The following KCNH8 variants were observed in gnomAD, a reference collection of about 807,000 sequenced individuals.
KCNH8 encodes the protein voltage-gated delayed rectifier potassium channel KCNH8.
KCNH8 carries 70 observed loss-of-function variants against 103.6 expected under a neutral mutation model. The observed-to-expected ratio is 0.68, with a 90% CI of 0.56 to 0.82. The LOEUF is 0.82. Ranked by LOEUF, KCNH8 falls within the 40% of genes least tolerant of loss-of-function variation. The probability of loss-of-function intolerance (pLI) is 0.00; values close to 1 mark genes in which losing one functional copy is unlikely to be tolerated. For missense variants in KCNH8, 1,217 were observed against 1,329.9 expected, an observed-to-expected ratio of 0.92 and a Z score of 1.32; for synonymous variants, 498 against 489.4, an observed-to-expected ratio of 1.02 and a Z score of -0.23.
At chr3:19,287,138 T>C (rs920433561) in intron 3 of KCNH8, among the ~76,000 whole-genome samples, 6 of 151,912 alleles carry the variant, frequency 3.9e-5, no homozygotes, top group Admixed American at 3.9e-4. Context: ...TGAGATTCTT[T>C]AGGAATACTA....
intron 7 of KCNH8, among the ~76,000 whole-genome samples, chr3:19,429,434 A>G: frequency 6.6e-6 from 1 of 152,108 alleles, no homozygotes; most frequent in Non-Finnish European, 1.5e-5. Context: ...TCGGCCTCCC[A>G]AAGTGCTGGG....
intron 1 of KCNH8, among the ~76,000 whole-genome samples, chr3:19,224,080 G>A (rs977192122): frequency 4.6e-5 from 7 of 152,076 alleles, no homozygotes; most frequent in African/African-American, 1.7e-4. Context: ...TTAAAAGACA[G>A]AGCCAAGATT....
chr3:19,313,518 C>T (rs2065232952), intron 3 of KCNH8, among the ~76,000 whole-genome samples: 1 of 151,856 alleles, frequency 6.6e-6, no homozygotes, highest in African/African-American at 2.4e-5. Flanking sequence ...CAGAACCATA[C>T]TTACAGATTG....
chr3:19,274,214 C>G, intron 2 of KCNH8, among the ~76,000 whole-genome samples: 1 of 152,154 alleles, frequency 6.6e-6, no homozygotes, highest in East Asian at 1.9e-4. Context: ...CTACACATCT[C>G]AATCTCCATA....
chr3:19,370,179 G>C (rs2066068358), intron 5 of KCNH8, among the ~76,000 whole-genome samples: 1 of 151,976 alleles, frequency 6.6e-6, no homozygotes, highest in Admixed American at 6.6e-5. Flanking sequence ...CCAAGTCTGT[G>C]TTAGCTGTTT....
At chr3:19,437,007 G>A (rs895103384) in intron 7 of KCNH8, among the ~76,000 whole-genome samples, 7 of 152,108 alleles carry the variant, frequency 4.6e-5, no homozygotes, top group Non-Finnish European at 1.0e-4. Flanking sequence ...TGGTCTCAAG[G>A]AATTCCCAGC....
chr3:19,232,437 T>C (rs1181916547), intron 1 of KCNH8, among the ~76,000 whole-genome samples: 1 of 152,260 alleles, frequency 6.6e-6, no homozygotes, highest in Non-Finnish European at 1.5e-5. Context: ...TTTGCACGTG[T>C]TATGAAACTT....
intron 3 of KCNH8, among the ~76,000 whole-genome samples, chr3:19,303,304 G>C (rs1407835751): frequency 6.6e-6 from 1 of 152,060 alleles, no homozygotes; most frequent in Non-Finnish European, 1.5e-5. Flanking sequence ...TTTTTAAAAA[G>C]ACATAAACCC....
chr3:19,166,634 G>A (rs981496536), intron 1 of KCNH8, among the ~76,000 whole-genome samples: 12 of 152,152 alleles, frequency 7.9e-5, no homozygotes, highest in African/African-American at 2.9e-4. Context: ...CTAGTTAAAG[G>A]AGGCAAATTT....
intron 1 of KCNH8, among the ~76,000 whole-genome samples, chr3:19,235,116 G>C (rs145076303): frequency 7.2e-5 from 11 of 152,298 alleles, no homozygotes; most frequent in African/African-American, 1.7e-4. Context: ...CTTAACTCTT[G>C]TTTGTATCAA....
At chr3:19,175,980 A>C (rs140475547) in intron 1 of KCNH8, among the ~76,000 whole-genome samples, 53 of 152,280 alleles carry the variant, frequency 3.5e-4, no homozygotes, top group Middle Eastern at 3.4e-3. Flanking sequence ...GGAGTTTAGG[A>C]TCAATTTAGC....
At chr3:19,300,258 AAAAG>A (rs200574506) in intron 3 of KCNH8, among the ~76,000 whole-genome samples, 30,380 of 150,838 alleles carry the variant, frequency 0.2, 3,362 homozygotes, top group Non-Finnish European at 0.27. Flanking sequence ...ATAAAAAAAA[AAAAG>A]AAAGAAAGAA....
At chr3:19,433,362 A>G (rs893764244) in intron 7 of KCNH8, among the ~76,000 whole-genome samples, 15 of 152,200 alleles carry the variant, frequency 9.9e-5, no homozygotes, top group Admixed American at 2.6e-4. Context: ...TCCCTCAAAG[A>G]ATTAAAACAA....
chr3:19,255,117 G>T (rs1240789333), intron 2 of KCNH8, among the ~76,000 whole-genome samples: 1 of 152,066 alleles, frequency 6.6e-6, no homozygotes, highest in Non-Finnish European at 1.5e-5. Context: ...GGCACTGAGG[G>T]TGTGCACACA....
intron 8 of KCNH8, among the ~76,000 whole-genome samples, chr3:19,443,399 TAC>T (rs575048873): frequency 8.7e-5 from 13 of 149,948 alleles, no homozygotes; most frequent in East Asian, 3.9e-4. Flanking sequence ...TATACATATA[TAC>T]ACACACACAC....
intron 11 of KCNH8, among the ~76,000 whole-genome samples, chr3:19,495,388 G>C (rs1367706505): frequency 1.3e-5 from 2 of 152,138 alleles, no homozygotes; most frequent in East Asian, 1.9e-4. Context: ...TATAAGGAAA[G>C]GGTCCAGTAT....
chr3:19,372,627 G>T (rs1207877935), intron 5 of KCNH8, among the ~76,000 whole-genome samples: 3 of 152,044 alleles, frequency 2.0e-5, no homozygotes, highest in Non-Finnish European at 2.9e-5. Flanking sequence ...TAATTGCCCT[G>T]GCCAGAACTT....
intron 8 of KCNH8, among the ~76,000 whole-genome samples, chr3:19,441,173 T>A (rs2067278943): frequency 6.6e-6 from 1 of 152,140 alleles, no homozygotes; most frequent in Non-Finnish European, 1.5e-5. Flanking sequence ...CAATCTTGCA[T>A]CAGTCAGGGG....
chr3:19,227,585 C>T (rs546222719), intron 1 of KCNH8, among the ~76,000 whole-genome samples: 2 of 152,164 alleles, frequency 1.3e-5, no homozygotes, highest in African/African-American at 4.8e-5. Context: ...ACAAATGATA[C>T]AAAGATATAA....
Sources: gnomAD v4.1 joint callset for allele counts (sites outside exome capture counted in the v4.1 genomes callset) on GRCh38, gnomAD v4.1.1 for gene constraint, MANE v1.5 for transcripts, NCBI Gene and HGNC (gene_info 2026-07-23, HGNC 2026-07-21) for gene names.